Variants in SS18L1 observed in about 807,000 individuals in gnomAD.
The protein encoded by SS18L1 is SS18L1 subunit of BAF chromatin remodeling complex, also known as calcium-responsive transactivator.
Under a neutral mutation model 70.3 loss-of-function variants are expected in SS18L1, and 32 were observed. The ratio of observed to expected loss-of-function variants is 0.46; its 90% CI spans 0.34 to 0.61. The LOEUF is 0.61. SS18L1 is among the 20% of genes least tolerant of loss of function. The probability of loss-of-function intolerance (pLI) is 0.01; values close to 1 mark genes in which losing one functional copy is unlikely to be tolerated. For synonymous variants in SS18L1, 237 were observed against 229.7 expected (o/e 1.03, Z -0.29); for missense variants, 430 against 542.1 (o/e 0.79, Z 2.05).
intron 1 of SS18L1, among the ~76,000 whole-genome samples, chr20:62,153,828 T>C (rs2057176584): frequency 6.6e-6 from 1 of 152,130 alleles, no homozygotes; most frequent in Non-Finnish European, 1.5e-5. Context: ...TGGGATTTGC[T>C]CCCTTGGTTT....
At position 62,179,730 on chromosome 20, in the gene SS18L1, G is replaced by GGGGGGGGGGGGGGCCCCCCC; in HGVS notation, c.*522_*523insGGGGGGGGGGGGGCCCCCCC. On this transcript the variant is annotated 3_prime_UTR_variant, in exon 11 of 11. Coordinates refer to ENST00000331758, the MANE Select transcript of SS18L1 (RefSeq NM_198935.3). ...GTGCCTCGATGGGGTGGGTGGGAGGGCATCTTCTGTGCGTTGGGTCAGTTT... is the reference window on the plus strand; with the variant it reads ...GTGCCTCGATGGGGTGGGTGGGAGGGGGGGGGGGGGGGGCCCCCCCCATCTTCTGTGCGTTGGGTCAGTTT... The GGGGGGGGGGGGGGCCCCCCC allele has an allele frequency of 1.0e-5, 1 of 96,716 alleles. No homozygotes were observed. 6.0% of individuals were successfully genotyped at this position (96,716 alleles called of 1,614,324 possible).
chr20:62,153,985 G>A (rs902565360), intron 1 of SS18L1, among the ~76,000 whole-genome samples: 12 of 152,156 alleles, frequency 7.9e-5, no homozygotes, highest in Non-Finnish European at 1.0e-4. Flanking sequence ...TCTGTCCTGT[G>A]GACACGTGTT....
At chr20:62,154,628 G>A (rs957497828) in intron 1 of SS18L1, among the ~76,000 whole-genome samples, 3 of 152,222 alleles carry the variant, frequency 2.0e-5, no homozygotes, top group Non-Finnish European at 4.4e-5. Flanking sequence ...GGCCCATGTA[G>A]GAGGCTCCGT....
Position 62,179,555 on chromosome 20 carries a change from G to A in SS18L1, c.*347G>A, listed in dbSNP as rs1467835008. ...TGTGCCCAGGGACAGGACAGATCTC[G>A]AGGACACCACAGTCCACCTGTTCCC... On this transcript the variant is annotated 3_prime_UTR_variant, in exon 11 of 11. Coordinates refer to ENST00000331758, the MANE Select transcript of SS18L1 (RefSeq NM_198935.3). The A allele has an allele frequency of 1.8e-5, 7 of 383,402 alleles. No homozygotes were observed. Among genetic ancestry groups the A allele is most frequent in the African/African-American group, 1.2e-4 (6 of 49,816 alleles). The allele number at this position is 383,402 out of a possible 1,614,324, so 23.8% of individuals were successfully genotyped here.
In SS18L1 at chr20:62,181,921, G is replaced by A; in HGVS notation, c.*2713G>A. On this transcript the variant is annotated 3_prime_UTR_variant, in exon 11 of 11. Coordinates refer to ENST00000331758, the MANE Select transcript of SS18L1 (RefSeq NM_198935.3). ...ATTGACGCTCATTCTTCTTCCTATT[G>A]TTCCCTGACATCCAGCAAATTGTGA... 4.4e-6 allele frequency: 1 copy of A among 228,616 alleles called. No individual in the cohort carries two copies. The highest frequency in any genetic ancestry group is 8.7e-6 in the Non-Finnish European group (1 of 115,262). 14.2% of individuals were successfully genotyped at this position (228,616 alleles called of 1,614,324 possible).
chr20:62,181,921 G>C lies in SS18L1; in HGVS notation c.*2713G>C. The stretch of plus-strand genomic sequence containing the variant: ...ATTGACGCTCATTCTTCTTCCTATT[G>C]TTCCCTGACATCCAGCAAATTGTGA... On this transcript the variant is annotated 3_prime_UTR_variant, in exon 11 of 11. Transcript: ENST00000331758. 1 of 228,616 alleles carries C rather than the reference G, an allele frequency of 4.4e-6. No homozygotes were observed. 14.2% of individuals were successfully genotyped at this position (228,616 alleles called of 1,614,324 possible). A position where few individuals can be genotyped will look rare whatever the true frequency, so the allele number is the denominator to read the frequency against.
At chr20:62,175,373 C>T (rs1024674422) in intron 10 of SS18L1, 5 of 985,230 alleles carry the variant, frequency 5.1e-6, no homozygotes, top group Non-Finnish European at 3.6e-6. Context: ...GATGGGGCCC[C>T]TGGAGGAGGA....
In SS18L1 at chr20:62,174,457, G is replaced by T; in HGVS notation, c.1037-60G>T. The T allele has an allele frequency of 6.5e-7, 1 of 1,532,686 alleles. No homozygotes were observed. The highest frequency in any genetic ancestry group is 1.2e-5 in the South Asian group (1 of 81,984). The allele number at this position is 1,532,686 out of a possible 1,614,324, so 94.9% of individuals were successfully genotyped here. On this transcript the variant is annotated intron_variant, in intron 9 of 10. Transcript: ENST00000331758. This position sits in a 1 kb window ranked among gnomAD's most constrained non-coding sequence, Gnocchi z 4.1. ...GTTTTAAAAAAAATTTTTAAGTTAA[G>T]AAAAAAAAAGAAAGAGGTGTCCGTT...
At chr20:62,163,067 G>A in intron 5 of SS18L1, 136 bp downstream of exon 5, 1 of 1,189,572 alleles carries the variant, frequency 8.4e-7, no homozygotes, top group Non-Finnish European at 1.2e-6. Flanking sequence ...GTGAATCGGG[G>A]CTGGCCGCTG....
chr20:62,157,463 C>G (rs1469232826), intron 1 of SS18L1, among the ~76,000 whole-genome samples: 1 of 152,210 alleles, frequency 6.6e-6, no homozygotes, highest in Non-Finnish European at 1.5e-5. Context: ...CTGCATCTGA[C>G]AGGTTCCTGG....
chr20:62,164,759 C>T (rs978982909), intron 7 of SS18L1, among the ~76,000 whole-genome samples: 3 of 152,158 alleles, frequency 2.0e-5, no homozygotes, highest in Admixed American at 6.5e-5. Context: ...CTGAAAACAG[C>T]GGTTCACACC....
chr20:62,154,041 CT>C (rs2057179619), intron 1 of SS18L1, among the ~76,000 whole-genome samples: 1 of 152,202 alleles, frequency 6.6e-6, no homozygotes, highest in Non-Finnish European at 1.5e-5. Flanking sequence ...CTTGGTGCCC[CT>C]TTACTCCCAA....
intron 3 of SS18L1, 74 bp downstream of exon 3, chr20:62,160,035 C>T: frequency 1.4e-6 from 2 of 1,423,234 alleles, no homozygotes; most frequent in East Asian, 2.5e-5. Context: ...GAATTGTGGG[C>T]ATGTCATCTC....
Position 62,163,470 on chromosome 20 carries a change from A to G in SS18L1, c.569A>G (p.Gln190Arg). 1 of 1,612,280 alleles carries G rather than the reference A, an allele frequency of 6.2e-7. No individual in the cohort carries two copies. The highest frequency in any genetic ancestry group is 1.1e-5 in the South Asian group (1 of 91,066). The change falls in exon 6 of 11, where the codon CAG becomes CGG. Residue 190 changes from glutamine to arginine, a missense_variant. Gln to Arg is a conservative substitution (Grantham distance 43). Coordinates refer to ENST00000331758, the MANE Select transcript of SS18L1 (RefSeq NM_198935.3). ...TCCTGTCGTTCAGTCTCCATGATGC[A>G]GCAGCAGGCGGCCACGTCGCACTAC... is the stretch of plus-strand genomic sequence containing the variant. ...NMQSNPVSMM[Q>R]QQAATSHYSS...
In SS18L1 at chr20:62,159,302, T is replaced by C. The variant is rs1208630919; in HGVS notation, c.146+554T>C. On this transcript the variant is annotated intron_variant, in intron 2 of 10. Coordinates refer to ENST00000331758, the MANE Select transcript of SS18L1 (RefSeq NM_198935.3). This position sits in a 1 kb window ranked among gnomAD's most constrained non-coding sequence, Gnocchi z 4.4. The stretch of plus-strand genomic sequence containing the variant: ...GCCAGTCTGCCACCCTCCAAGCGGC[T>C]GTCCAAGTGGCCGTCAGACTGACCT... Among the ~76,000 whole-genome samples, 2 of 152,220 alleles carry C rather than the reference T, an allele frequency of 1.3e-5. No homozygotes were observed. Among genetic ancestry groups the C allele is most frequent in the Admixed American group, 1.3e-4 (2 of 15,286 alleles).
chr20:62,166,050 C>T (rs1391754504), intron 8 of SS18L1, among the ~76,000 whole-genome samples: 1 of 152,230 alleles, frequency 6.6e-6, no homozygotes, highest in South Asian at 2.1e-4. Flanking sequence ...GGCTGCGTGT[C>T]GGGTGGACTT....
rs6121912 is a variant in SS18L1, at chr20:62,147,430, C to T, written c.69+3541C>T. Among the ~76,000 whole-genome samples, 1,387 of 152,256 alleles carry T rather than the reference C, an allele frequency of 9.1e-3. 13 individuals carry two copies. Among genetic ancestry groups the T allele is most frequent in the African/African-American group, 0.03 (1,238 of 41,560 alleles). ...TCTGTTGTCCAGTGCGTGCTCCTTA[C>T]GCTGCTGTTGGGGCTGGGCCTGCAG... On this transcript the variant is annotated intron_variant, in intron 1 of 10. Coordinates refer to ENST00000331758, the MANE Select transcript of SS18L1 (RefSeq NM_198935.3).
rs376898555 is a variant in SS18L1, at chr20:62,174,650, C to G, written c.1164+6C>G. 2 of 1,613,472 alleles carry G rather than the reference C, an allele frequency of 1.2e-6. No homozygotes were observed. The highest frequency in any genetic ancestry group is 1.7e-5 in the Admixed American group (1 of 60,020). On this transcript the variant is annotated splice_donor_region_variant and intron_variant, in intron 10 of 10. Transcript: ENST00000331758. This position sits in a 1 kb window ranked among gnomAD's most constrained non-coding sequence, Gnocchi z 4.1. ...GGCCCTACGGCTATGAACAGGCAAG[C>G]TTTCTGGATGTTTCCAGATGTGCCC...
intron 10 of SS18L1, 128 bp from the exon 11 acceptor site, chr20:62,179,054 G>C (rs555783358): frequency 1.0e-6 from 1 of 1,001,164 alleles, no homozygotes; most frequent in Non-Finnish European, 1.5e-6. Context: ...TCGCTGCCCC[G>C]CAGAGATGTG....
Sources: gnomAD v4.1 joint callset for allele counts (sites outside exome capture counted in the v4.1 genomes callset) on GRCh38, gnomAD v4.1.1 for gene constraint, Gnocchi (gnomAD v3.1) non-coding constraint, MANE v1.5 for transcripts, NCBI Gene and HGNC (gene_info 2026-07-23, HGNC 2026-07-21) for gene names.